Variants in DOCK4 observed in about 807,000 individuals in gnomAD.
DOCK4 encodes dedicator of cytokinesis protein 4.
Under a neutral mutation model 268.1 loss-of-function variants are expected in DOCK4, and 97 were observed. That is an observed-to-expected ratio of 0.36 (90% CI 0.31 to 0.43). The LOEUF (loss-of-function observed/expected upper bound fraction) is 0.43, where lower values mean the gene tolerates loss of function less well. Among genes scored for constraint, DOCK4 ranks in the 20% least tolerant of loss-of-function variants. The probability of loss-of-function intolerance (pLI) is 1.00; values close to 1 mark genes in which losing one functional copy is unlikely to be tolerated. For missense variants in DOCK4, 2,145 were observed against 2,455.7 expected, an observed-to-expected ratio of 0.87 and a Z score of 2.67; for synonymous variants, 954 against 887.2, an observed-to-expected ratio of 1.08 and a Z score of -1.34.
chr7:111,943,295 A>C (rs1457040854), intron 10 of DOCK4, among the ~76,000 whole-genome samples: 1 of 152,228 alleles, frequency 6.6e-6, no homozygotes, highest in Non-Finnish European at 1.5e-5. Flanking sequence ...TGTGATGGGC[A>C]GTACTACTGA....
At chr7:111,736,700 A>G (rs1563428365) in intron 50 of DOCK4, among the ~76,000 whole-genome samples, 1 of 152,340 alleles carries the variant, frequency 6.6e-6, no homozygotes, top group East Asian at 1.9e-4. Context: ...AGGCGTTCCT[A>G]TCTTGCTCAG....
At chr7:111,884,844 A>T (rs1285419255) in intron 16 of DOCK4, among the ~76,000 whole-genome samples, 1 of 152,208 alleles carries the variant, frequency 6.6e-6, no homozygotes, top group East Asian at 1.9e-4. Context: ...TGGGTTCAAG[A>T]GCAGTGAATA....
chr7:111,854,893 C>G (rs1275162490), intron 23 of DOCK4, among the ~76,000 whole-genome samples: 1 of 152,132 alleles, frequency 6.6e-6, no homozygotes, highest in Non-Finnish European at 1.5e-5. Context: ...AATGAAATAC[C>G]CAATTCTCTA....
At chr7:112,016,050 G>A (rs756676790) in intron 1 of DOCK4, among the ~76,000 whole-genome samples, 8 of 152,164 alleles carry the variant, frequency 5.3e-5, no homozygotes, top group Admixed American at 1.3e-4. Flanking sequence ...CATAAGTTTT[G>A]GAGGGGACAA....
At chr7:112,177,371 A>G (rs1387111909) in intron 1 of DOCK4, among the ~76,000 whole-genome samples, 2 of 152,264 alleles carry the variant, frequency 1.3e-5, no homozygotes, top group African/African-American at 2.4e-5. Context: ...GAAGAAGCTA[A>G]TAATGCATTT....
intron 36 of DOCK4, among the ~76,000 whole-genome samples, chr7:111,777,371 A>T (rs1157048429): frequency 2.0e-5 from 3 of 152,226 alleles, no homozygotes; most frequent in African/African-American, 7.2e-5. Context: ...CTCAACAAAA[A>T]TATTATAACA....
At chr7:112,136,434 A>G (rs1814352854) in intron 1 of DOCK4, among the ~76,000 whole-genome samples, 1 of 152,178 alleles carries the variant, frequency 6.6e-6, no homozygotes, top group African/African-American at 2.4e-5. Flanking sequence ...CTTAATCCAG[A>G]CAATTACGAG....
chr7:111,991,878 G>A (rs889411130), intron 5 of DOCK4, among the ~76,000 whole-genome samples: 4 of 149,422 alleles, frequency 2.7e-5, no homozygotes, highest in African/African-American at 7.4e-5. Context: ...GGAGAATGGC[G>A]TGAACCCAGA....
intron 1 of DOCK4, among the ~76,000 whole-genome samples, chr7:112,140,167 C>T (rs1814764838): frequency 6.6e-6 from 1 of 152,034 alleles, no homozygotes; most frequent in Admixed American, 6.6e-5. Flanking sequence ...CGGGAATTAC[C>T]CCATGAAAAA....
chr7:111,788,596 G>T, intron 32 of DOCK4, 66 bp downstream of exon 32: 1 of 1,337,838 alleles, frequency 7.5e-7, no homozygotes, highest in Non-Finnish European at 1.1e-6. Flanking sequence ...CCGTGGTGCA[G>T]AGAGGCTCAG....
chr7:112,013,377 C>T (rs569167661), intron 1 of DOCK4, among the ~76,000 whole-genome samples: 22 of 152,270 alleles, frequency 1.4e-4, no homozygotes, highest in Admixed American at 3.9e-4. Context: ...CAATTTTTAC[C>T]GGCTCTGGCC....
At chr7:111,791,276 T>TACAC (rs147004808) in intron 30 of DOCK4, among the ~76,000 whole-genome samples, 26,069 of 134,662 alleles carry the variant, frequency 0.19, 2,940 homozygotes, top group East Asian at 0.52. Context: ...ATTTAAAAAA[T>TACAC]ACACACACAC....
intron 11 of DOCK4, among the ~76,000 whole-genome samples, chr7:111,938,450 T>TC: frequency 6.6e-6 from 1 of 152,316 alleles, no homozygotes; most frequent in Non-Finnish European, 1.5e-5. Flanking sequence ...GCCAGTTCAC[T>TC]CATGGAGGTA....
In DOCK4 at chr7:111,783,870, A is replaced by G; in HGVS notation, c.3511T>C (p.Leu1171=). Residue 1171 remains leucine (L), a synonymous_variant, in exon 34 of 53, where the codon TTG becomes CTG. Transcript: ENST00000428084. Reference sequence around the variant, plus strand: ...GACTTGGCTTACCTGTAATCTAACAACCTCTCCATTAGACGAGTTACAGTA... The same window carrying G: ...GACTTGGCTTACCTGTAATCTAACAGCCTCTCCATTAGACGAGTTACAGTA... ...IATVTRLMER[L]LDYRDCMKMG... The G allele has an allele frequency of 1.2e-6, 2 of 1,601,144 alleles. No homozygotes were observed. Among genetic ancestry groups the G allele is most frequent in the East Asian group, 2.2e-5 (1 of 44,468 alleles).
intron 8 of DOCK4, among the ~76,000 whole-genome samples, chr7:111,951,385 G>C (rs962287032): frequency 1.3e-5 from 2 of 152,092 alleles, no homozygotes; most frequent in African/African-American, 4.8e-5. Flanking sequence ...GGAGATATTA[G>C]ATAAGTTGGC....
intron 16 of DOCK4, among the ~76,000 whole-genome samples, chr7:111,894,221 C>CAAA (rs10699402): frequency 1.4e-5 from 2 of 140,006 alleles, no homozygotes; most frequent in South Asian, 2.3e-4. Flanking sequence ...GACTCCATCT[C>CAAA]AAAAAAAAAA....
At chr7:111,835,380 T>A (rs141561509) in intron 25 of DOCK4, among the ~76,000 whole-genome samples, 181 of 152,320 alleles carry the variant, frequency 1.2e-3, no homozygotes, top group African/African-American at 4.2e-3. Context: ...ACAATTTTTT[T>A]AATTGGCCAT....
chr7:111,745,279 C>G (rs1796185456), intron 44 of DOCK4, among the ~76,000 whole-genome samples: 1 of 152,186 alleles, frequency 6.6e-6, no homozygotes, highest in African/African-American at 2.4e-5. Flanking sequence ...TGCTTTAAAG[C>G]AAGATCTACT....
intron 32 of DOCK4, among the ~76,000 whole-genome samples, chr7:111,787,617 A>G (rs1799264061): frequency 6.6e-6 from 1 of 152,136 alleles, no homozygotes; most frequent in Non-Finnish European, 1.5e-5. Flanking sequence ...TATCTAACCT[A>G]TTAGTCACTA....
Sources: gnomAD v4.1 joint callset for allele counts (sites outside exome capture counted in the v4.1 genomes callset) on GRCh38, gnomAD v4.1.1 for gene constraint, MANE v1.5 for transcripts, NCBI Gene and HGNC (gene_info 2026-07-23, HGNC 2026-07-21) for gene names.